The following EXOC4 variants were observed in gnomAD, a reference collection of about 807,000 sequenced individuals.
EXOC4 encodes exocyst complex component 4.
EXOC4 carries 71 observed loss-of-function variants against 107.2 expected under a neutral mutation model. The ratio of observed to expected loss-of-function variants is 0.66; its 90% CI spans 0.55 to 0.81. The LOEUF (loss-of-function observed/expected upper bound fraction) is 0.81, where lower values mean the gene tolerates loss of function less well. EXOC4 is among the 30% of genes least tolerant of loss of function. The probability of loss-of-function intolerance (pLI) is 0.00; values close to 1 mark genes in which losing one functional copy is unlikely to be tolerated. For synonymous variants in EXOC4, 456 were observed against 441.2 expected (o/e 1.03, Z -0.42); for missense variants, 1,108 against 1,189.6 (o/e 0.93, Z 1.01).
At chr7:133,606,563 G>A (rs1224143580) in intron 9 of EXOC4, among the ~76,000 whole-genome samples, 1 of 149,530 alleles carries the variant, frequency 6.7e-6, no homozygotes, top group Non-Finnish European at 1.5e-5. Flanking sequence ...TGCCCAGGCC[G>A]GAGTGCAGTG....
intron 10 of EXOC4, among the ~76,000 whole-genome samples, chr7:133,707,909 G>A (rs1235286653): frequency 2.6e-5 from 4 of 152,020 alleles, no homozygotes; most frequent in East Asian, 3.9e-4. Flanking sequence ...TGTTTTTGAT[G>A]GAATGGAATT....
intron 9 of EXOC4, among the ~76,000 whole-genome samples, chr7:133,496,640 T>C (rs1799481768): frequency 6.6e-6 from 1 of 152,326 alleles, no homozygotes; most frequent in Non-Finnish European, 1.5e-5. Flanking sequence ...TTTCAACTTT[T>C]TGTAATTTTT....
At chr7:134,063,774 C>A (rs1301059211) in intron 17 of EXOC4, among the ~76,000 whole-genome samples, 1 of 152,226 alleles carries the variant, frequency 6.6e-6, no homozygotes, top group African/African-American at 2.4e-5. Context: ...TATGAAGCAC[C>A]ACCATTCTGA....
chr7:134,018,179 G>A (rs1265459149), intron 17 of EXOC4, among the ~76,000 whole-genome samples: 7 of 152,152 alleles, frequency 4.6e-5, no homozygotes, highest in Admixed American at 3.9e-4. Flanking sequence ...TATTAAGCTT[G>A]TTCTGTGACT....
chr7:133,543,317 T>C (rs955390954), intron 9 of EXOC4, among the ~76,000 whole-genome samples: 2 of 152,174 alleles, frequency 1.3e-5, no homozygotes, highest in African/African-American at 4.8e-5. Flanking sequence ...ATCGATGATA[T>C]AATTTAATTA....
rs538813467 is a variant in EXOC4 at position 133,905,208 on chromosome 7, A to G, written c.1871+9473A>G. On this transcript the variant is annotated intron_variant, in intron 12 of 17. Coordinates refer to ENST00000253861, the MANE Select transcript of EXOC4 (RefSeq NM_021807.4). ...GGTTGGCTTGTTTTCCAAGCTTCCC[A>G]TGAAAACCTGGGCAGCTCCTGGGAG... Among the ~76,000 whole-genome samples the G allele has an allele frequency of 3.5e-4, 53 of 152,308 alleles. 2 individuals carry two copies. The South Asian group carries it at 7.1e-3, about 20-fold the overall frequency.
chr7:133,856,792 TAGAG>T (rs1798382445), intron 11 of EXOC4, among the ~76,000 whole-genome samples: 1 of 151,844 alleles, frequency 6.6e-6, no homozygotes, highest in South Asian at 2.1e-4. Flanking sequence ...ATAAATGCAA[TAGAG>T]AAACAGAACA....
At position 133,480,054 on chromosome 7, in the gene EXOC4, G is replaced by T. The variant is rs1032578634; in HGVS notation, c.1333G>T (p.Glu445Ter). The T allele has an allele frequency of 6.2e-7, 1 of 1,613,756 alleles. No homozygotes were observed. Among genetic ancestry groups the T allele is most frequent in the Non-Finnish European group, 8.5e-7 (1 of 1,179,726 alleles). ...QRPKNSLFKF[E>*]SSSHAISMSA... ...TTCCCCTGTGTTTCTCTGCAGGTTC[G>T]AATCGTCCTCCCATGCCATCAGTAT... Residue 445 changes from glutamate to a stop codon, truncating the protein, a stop_gained, in exon 9 of 18, where the codon GAA (glutamate) becomes TAA (stop). Coordinates refer to ENST00000253861, the MANE Select transcript of EXOC4 (RefSeq NM_021807.4). LOFTEE classifies it high-confidence loss of function.
intron 7 of EXOC4, among the ~76,000 whole-genome samples, chr7:133,379,469 T>C (rs1796565449): frequency 6.6e-6 from 1 of 152,062 alleles, no homozygotes; most frequent in African/African-American, 2.4e-5. Flanking sequence ...AACCATGAAA[T>C]ACTAATAAAA....
intron 9 of EXOC4, among the ~76,000 whole-genome samples, chr7:133,629,816 C>T (rs756964032): frequency 6.3e-4 from 96 of 151,876 alleles, no homozygotes; most frequent in Non-Finnish European, 1.5e-4. Flanking sequence ...GTGGTGGGAC[C>T]ACAGCTGTGA....
intron 4 of EXOC4, among the ~76,000 whole-genome samples, chr7:133,312,875 A>G (rs1246064678): frequency 2.0e-5 from 3 of 152,122 alleles, no homozygotes; most frequent in Non-Finnish European, 2.9e-5. Context: ...TTACACCTTT[A>G]TAATCGGATA....
At chr7:133,899,784 T>C (rs951367312) in intron 12 of EXOC4, among the ~76,000 whole-genome samples, 2 of 147,052 alleles carry the variant, frequency 1.4e-5, no homozygotes, top group African/African-American at 5.1e-5. Context: ...CAGAGTCTTT[T>C]GCCAGAGCTG....
intron 13 of EXOC4, among the ~76,000 whole-genome samples, chr7:133,925,916 G>C (rs145378264): frequency 6.6e-6 from 1 of 151,874 alleles, no homozygotes; most frequent in East Asian, 1.9e-4. Context: ...ATACGTGCCT[G>C]TAATCCCAGC....
chr7:133,554,990 G>A (rs114230950), intron 9 of EXOC4, among the ~76,000 whole-genome samples: 1,948 of 152,240 alleles, frequency 0.013, 32 homozygotes, highest in African/African-American at 0.044. Flanking sequence ...GGAAAGCAGT[G>A]AATTAGAAAT....
intron 3 of EXOC4, among the ~76,000 whole-genome samples, chr7:133,294,137 C>G (rs1418930080): frequency 6.6e-6 from 1 of 152,198 alleles, no homozygotes; most frequent in African/African-American, 2.4e-5. Context: ...ACTCAAAACA[C>G]TCCAGCTGCT....
the EXOC4 span, among the ~76,000 whole-genome samples, chr7:134,091,038 G>A: frequency 6.6e-6 from 1 of 151,918 alleles, no homozygotes. Flanking sequence ...GTTGAGATTA[G>A]GGGGTCTCTT....
intron 7 of EXOC4, among the ~76,000 whole-genome samples, chr7:133,428,677 T>C (rs1390251702): frequency 6.6e-6 from 1 of 152,238 alleles, no homozygotes; most frequent in Non-Finnish European, 1.5e-5. Flanking sequence ...TGAAGACTTG[T>C]TTAGTATAAT....
intron 5 of EXOC4, among the ~76,000 whole-genome samples, chr7:133,340,047 T>C (rs1191195433): frequency 6.6e-6 from 1 of 152,200 alleles, no homozygotes; most frequent in African/African-American, 2.4e-5. Context: ...CAGGAGTATG[T>C]TGAACAGAAG....
chr7:133,438,799 G>T (rs1451382392), intron 7 of EXOC4, among the ~76,000 whole-genome samples: 2 of 152,206 alleles, frequency 1.3e-5, no homozygotes, highest in African/African-American at 4.8e-5. Flanking sequence ...GAATATCACA[G>T]TGAGCAAACT....
Sources: gnomAD v4.1 joint callset for allele counts (sites outside exome capture counted in the v4.1 genomes callset) on GRCh38, gnomAD v4.1.1 for gene constraint, MANE v1.5 for transcripts, NCBI Gene and HGNC (gene_info 2026-07-23, HGNC 2026-07-21) for gene names.